Variants in SPON1 observed in about 807,000 individuals in gnomAD.
SPON1 encodes spondin 1.
In SPON1, 52 loss-of-function variants were observed where a neutral mutation model predicts 111.7. That is an observed-to-expected ratio of 0.47 (90% CI 0.37 to 0.59). The LOEUF (loss-of-function observed/expected upper bound fraction) is 0.59. SPON1 is among the 20% of genes least tolerant of loss of function. The pLI, the probability that SPON1 is intolerant of heterozygous loss-of-function variation, is 0.00. For missense variants in SPON1, 957 were observed against 1,068.5 expected (o/e 0.90, Z 1.46); for synonymous variants, 410 against 395.8 (o/e 1.04, Z -0.43).
At chr11:14,065,045 G>T (rs1051117663) in intron 3 of SPON1, among the ~76,000 whole-genome samples, 4 of 152,086 alleles carry the variant, frequency 2.6e-5, no homozygotes. Flanking sequence ...TGGTCTATGA[G>T]GTCCTAGCTG....
At chr11:14,042,998 A>T (rs1290591942) in intron 3 of SPON1, among the ~76,000 whole-genome samples, 2 of 151,996 alleles carry the variant, frequency 1.3e-5, no homozygotes, top group Non-Finnish European at 2.9e-5. Context: ...TCTTGGCATT[A>T]ATCTACACTG....
intron 2 of SPON1, among the ~76,000 whole-genome samples, chr11:13,986,764 C>G (rs1190266515): frequency 2.0e-5 from 3 of 151,968 alleles, no homozygotes; most frequent in African/African-American, 7.3e-5. Flanking sequence ...CTCCCTATGT[C>G]CACGTGTTCT....
At chr11:14,237,873 A>G (rs544389898) in intron 6 of SPON1, among the ~76,000 whole-genome samples, 8 of 152,200 alleles carry the variant, frequency 5.3e-5, no homozygotes, top group Non-Finnish European at 7.3e-5. Flanking sequence ...CAGCAGAAGT[A>G]GGAGGGGTGG....
At chr11:14,202,328 A>G (rs1327099648) in intron 6 of SPON1, among the ~76,000 whole-genome samples, 1 of 152,224 alleles carries the variant, frequency 6.6e-6, no homozygotes, top group African/African-American at 2.4e-5. Flanking sequence ...CTCATCTTGC[A>G]GTCATCGCCG....
Position 14,266,217 on chromosome 11 carries a change from A to G in SPON1, c.*530A>G, listed in dbSNP as rs1554942482. On this transcript the variant is annotated 3_prime_UTR_variant, in exon 16 of 16. Transcript: ENST00000576479. Reference sequence around the variant, plus strand: ...GTTCCTGGGGAAAAACAGAGCTGGTAGACTTGAAGAGGAGCATTGATGTTG... The same window carrying G: ...GTTCCTGGGGAAAAACAGAGCTGGTGGACTTGAAGAGGAGCATTGATGTTG... 2 of 152,218 alleles carry G rather than the reference A, an allele frequency of 1.3e-5. No individual in the cohort carries two copies. The highest frequency in any genetic ancestry group is 4.8e-5 in the African/African-American group (2 of 41,430). The allele number at this position is 152,218 out of a possible 1,614,324, so 9.4% of individuals were successfully genotyped here. A position where few individuals can be genotyped will look rare whatever the true frequency, so the allele number is the denominator to read the frequency against.
At chr11:14,034,872 G>A (rs1358986259) in intron 2 of SPON1, among the ~76,000 whole-genome samples, 1 of 152,190 alleles carries the variant, frequency 6.6e-6, no homozygotes, top group Non-Finnish European at 1.5e-5. Flanking sequence ...CTTTCCCAGT[G>A]TAGTCACCCA....
intron 5 of SPON1, among the ~76,000 whole-genome samples, chr11:14,101,487 C>T (rs1221827961): frequency 6.6e-6 from 1 of 152,080 alleles, no homozygotes; most frequent in Non-Finnish European, 1.5e-5. Flanking sequence ...GGGCTTTCCT[C>T]CTTTAATTCT....
intron 6 of SPON1, among the ~76,000 whole-genome samples, chr11:14,210,373 C>CTTTTTTTTTTTTTTTTT (rs79378171): frequency 1.5e-5 from 2 of 133,736 alleles, no homozygotes; most frequent in Admixed American, 7.5e-5. Flanking sequence ...TTTCTTTTTC[C>CTTTTTTTTTTTTTTTTT]TTTTTTTTTT....
chr11:14,017,145 G>A (rs1848449852), intron 2 of SPON1, among the ~76,000 whole-genome samples: 1 of 152,142 alleles, frequency 6.6e-6, no homozygotes, highest in Admixed American at 6.5e-5. Flanking sequence ...AGAGGTATTA[G>A]GGAAAATATT....
chr11:14,026,578 G>A (rs1848519808), intron 2 of SPON1, among the ~76,000 whole-genome samples: 1 of 152,162 alleles, frequency 6.6e-6, no homozygotes, highest in African/African-American at 2.4e-5. Context: ...CAAGGCGAGG[G>A]GGTGGGGGAA....
intron 3 of SPON1, among the ~76,000 whole-genome samples, chr11:14,059,489 T>C (rs573169134): frequency 6.6e-6 from 1 of 152,136 alleles, no homozygotes; most frequent in Admixed American, 6.5e-5. Flanking sequence ...AATTATTTAT[T>C]GGACAAATAT....
At chr11:14,100,811 G>A (rs557087333) in intron 5 of SPON1, among the ~76,000 whole-genome samples, 3 of 152,208 alleles carry the variant, frequency 2.0e-5, no homozygotes, top group East Asian at 1.9e-4. Context: ...ACCCCCTAAG[G>A]CCTTATATGC....
At chr11:14,140,570 T>C (rs1392473748) in intron 6 of SPON1, among the ~76,000 whole-genome samples, 3 of 152,162 alleles carry the variant, frequency 2.0e-5, no homozygotes, top group Non-Finnish European at 4.4e-5. Context: ...AATTTTTGTA[T>C]TTTTAGTAGA....
intron 2 of SPON1, among the ~76,000 whole-genome samples, chr11:13,984,953 T>G (rs1013288233): frequency 1.1e-4 from 17 of 152,336 alleles, no homozygotes; most frequent in African/African-American, 4.1e-4. Flanking sequence ...CTCTTAGAGC[T>G]TCAGACATCC....
intron 6 of SPON1, among the ~76,000 whole-genome samples, chr11:14,212,772 T>C (rs1368634132): frequency 6.6e-6 from 1 of 152,202 alleles, no homozygotes; most frequent in African/African-American, 2.4e-5. Flanking sequence ...GGTTGTCTAT[T>C]TTTCATAGTC....
chr11:14,195,817 T>G (rs1848394680), intron 6 of SPON1, among the ~76,000 whole-genome samples: 1 of 152,162 alleles, frequency 6.6e-6, no homozygotes, highest in African/African-American at 2.4e-5. Flanking sequence ...TTTCACAGTT[T>G]CATAGCAACA....
At chr11:14,057,811 G>A (rs2697821) in intron 3 of SPON1, among the ~76,000 whole-genome samples, 57,057 of 138,986 alleles carry the variant, frequency 0.41, 12,300 homozygotes, top group South Asian at 0.52. Flanking sequence ...CCTGGAAAAC[G>A]TAGTGAGACC....
intron 6 of SPON1, among the ~76,000 whole-genome samples, chr11:14,242,723 CA>C (rs1264672283): frequency 6.6e-6 from 1 of 152,218 alleles, no homozygotes; most frequent in East Asian, 1.9e-4. Flanking sequence ...TTAGTTTCCC[CA>C]GTTATCCCTA....
Position 14,135,584 on chromosome 11 carries a change from C to T in SPON1, c.825+16C>T. The T allele has an allele frequency of 6.2e-7, 1 of 1,610,114 alleles. No homozygotes were observed. Among genetic ancestry groups the T allele is most frequent in the Non-Finnish European group, 8.5e-7 (1 of 1,177,094 alleles). ...TCGACAACAGGTAAGACAAAAAAATCACAGAATGACCAAATAACAGAAATG... is the reference window on the plus strand; with the variant it reads ...TCGACAACAGGTAAGACAAAAAAATTACAGAATGACCAAATAACAGAAATG... On this transcript the variant is annotated intron_variant, in intron 6 of 15. Transcript: ENST00000576479. The surrounding 1 kb of genome is among the most constrained non-coding windows in gnomAD (Gnocchi z 4.4).
Sources: allele counts gnomAD v4.1 joint callset (sites outside exome capture counted in the v4.1 genomes callset), GRCh38; gene constraint gnomAD v4.1.1; non-coding constraint Gnocchi (gnomAD v3.1); transcripts MANE v1.5; gene names NCBI Gene and HGNC (gene_info 2026-07-23, HGNC 2026-07-21).